TPST1: variants seen among roughly 807,000 people sequenced by gnomAD.
The protein encoded by TPST1 is protein-tyrosine sulfotransferase 1.
Under a neutral mutation model 34.8 loss-of-function variants are expected in TPST1, and 20 were observed. The observed-to-expected ratio is 0.57, with a 90% CI of 0.40 to 0.84. TPST1 has a LOEUF of 0.84. Ranked by LOEUF, TPST1 falls within the 40% of genes least tolerant of loss-of-function variation. TPST1 has a pLI of 0.00. For missense variants in TPST1, 353 were observed against 455.5 expected, an observed-to-expected ratio of 0.78 and a Z score of 2.05; for synonymous variants, 152 against 159.4, an observed-to-expected ratio of 0.95 and a Z score of 0.35.
At chr7:66,299,837 C>T (rs1287544731) in intron 3 of TPST1, among the ~76,000 whole-genome samples, 1 of 152,060 alleles carries the variant, frequency 6.6e-6, no homozygotes, top group East Asian at 1.9e-4. Flanking sequence ...CGGATCTCTC[C>T]CTGTTGACTT....
intron 3 of TPST1, among the ~76,000 whole-genome samples, chr7:66,293,145 G>T (rs1353921864): frequency 6.6e-6 from 1 of 151,814 alleles, no homozygotes; most frequent in Non-Finnish European, 1.5e-5. Context: ...GGCAGAGCTT[G>T]CAGTGAGTAG....
intron 2 of TPST1, among the ~76,000 whole-genome samples, chr7:66,253,866 C>T (rs1790324129): frequency 6.6e-6 from 1 of 151,434 alleles, no homozygotes; most frequent in South Asian, 2.1e-4. Flanking sequence ...GGTGAAACGC[C>T]ATCATTACCA....
intron 3 of TPST1, among the ~76,000 whole-genome samples, chr7:66,328,161 G>A (rs1170117986): frequency 6.6e-6 from 1 of 150,812 alleles, no homozygotes; most frequent in African/African-American, 2.4e-5. Context: ...TGAGTAGCTG[G>A]GATTATAGGT....
At position 66,211,693 on chromosome 7, in the gene TPST1, C is replaced by T. The variant is rs117270711; in HGVS notation, c.-102+6171C>T. On this transcript the variant is annotated intron_variant, in intron 1 of 5. Transcript: ENST00000304842. Reference sequence around the variant, plus strand: ...TTTAAAAACACACAGTCTTGCCGGGCGCAGTAGCTCATGCCTGTAATCCCA... The same window carrying T: ...TTTAAAAACACACAGTCTTGCCGGGTGCAGTAGCTCATGCCTGTAATCCCA... Among the ~76,000 whole-genome samples the T allele has an allele frequency of 1.8e-4, 28 of 152,298 alleles. No individual in the cohort carries two copies. In the East Asian group the frequency reaches 3.7e-3, roughly 20 times the overall value.
At chr7:66,200,335 G>A (rs1789020685), upstream of TPST1, among the ~76,000 whole-genome samples, 1 of 152,048 alleles carries the variant, frequency 6.6e-6, no homozygotes, top group East Asian at 1.9e-4. Context: ...CCAGGGTTGC[G>A]TAGGCTGTTT....
chr7:66,200,634 G>T (rs2116159696), upstream of TPST1, among the ~76,000 whole-genome samples: 1 of 151,722 alleles, frequency 6.6e-6, no homozygotes, highest in South Asian at 2.1e-4. Flanking sequence ...GTTAGCCAGG[G>T]TGGTCTTGAT....
rs531502463 is a variant in TPST1, at chr7:66,326,906, C to T, written c.1045-25599C>T. Among the ~76,000 whole-genome samples the T allele has an allele frequency of 5.6e-4, 85 of 152,300 alleles. 1 individual carries two copies. The South Asian group carries it at 0.012, about 22-fold the overall frequency. The stretch of plus-strand genomic sequence containing the variant: ...TCATTTGTTTCTAGGCAGCACAAGA[C>T]TGTTGAACTTTCCTAGAACTGAGTC... On this transcript the variant is annotated intron_variant, in intron 3 of 5. Transcript: ENST00000304842.
chr7:66,254,017 AAAAG>A (rs978688330), intron 2 of TPST1, among the ~76,000 whole-genome samples: 1 of 151,276 alleles, frequency 6.6e-6, no homozygotes, highest in African/African-American at 2.4e-5. Flanking sequence ...AAAAAAAAAA[AAAAG>A]AAAGAAAGAA....
At chr7:66,342,478 A>C (rs945358756) in intron 3 of TPST1, among the ~76,000 whole-genome samples, 8 of 152,218 alleles carry the variant, frequency 5.3e-5, no homozygotes, top group African/African-American at 1.9e-4. Context: ...GCTTTACCAG[A>C]GCCTAACAGA....
At chr7:66,205,078 G>T (rs1789093660), upstream of TPST1, 1 of 152,202 alleles carries the variant, frequency 6.6e-6, no homozygotes, top group South Asian at 2.1e-4. This position sits in a 1 kb window ranked among gnomAD's most constrained non-coding sequence, Gnocchi z 5.0. Context: ...CCAGGCCTGC[G>T]GCTGCCGGGA....
At chr7:66,329,558 T>C (rs562574039) in intron 3 of TPST1, among the ~76,000 whole-genome samples, 21 of 152,300 alleles carry the variant, frequency 1.4e-4, no homozygotes, top group African/African-American at 5.1e-4. Context: ...AGGTTTTTGT[T>C]TGTGAGGGCT....
At chr7:66,329,635 G>A (rs541843262) in intron 3 of TPST1, among the ~76,000 whole-genome samples, 2 of 152,296 alleles carry the variant, frequency 1.3e-5, no homozygotes. Context: ...ATAAACTGCA[G>A]AAATTCTAAA....
At chr7:66,303,400 T>TGTATGTAC (rs1319068846) in intron 3 of TPST1, among the ~76,000 whole-genome samples, 2 of 151,956 alleles carry the variant, frequency 1.3e-5, no homozygotes, top group African/African-American at 4.8e-5. Flanking sequence ...TGTGTATGTA[T>TGTATGTAC]GTATGTATGT....
At chr7:66,220,494 G>A (rs1270331559) in intron 1 of TPST1, among the ~76,000 whole-genome samples, 3 of 152,184 alleles carry the variant, frequency 2.0e-5, no homozygotes, top group African/African-American at 4.8e-5. Flanking sequence ...CACCTGTGTC[G>A]TATGTGGCAG....
At chr7:66,227,027 G>GATTTTTTTTT (rs1390977469) in intron 1 of TPST1, among the ~76,000 whole-genome samples, 1 of 46,036 alleles carries the variant, frequency 2.2e-5, no homozygotes, top group African/African-American at 1.1e-4. Flanking sequence ...CTTAAAATAA[G>GATTTTTTTTT]CTTTTTTTTT....
intron 3 of TPST1, among the ~76,000 whole-genome samples, chr7:66,343,288 GAATT>G (rs1792276844): frequency 1.3e-5 from 2 of 152,276 alleles, no homozygotes; most frequent in African/African-American, 4.8e-5. Context: ...TATCCTAAGT[GAATT>G]AATGCTGAAA....
intron 3 of TPST1, among the ~76,000 whole-genome samples, chr7:66,342,019 A>C (rs1024858939): frequency 2.0e-5 from 3 of 152,158 alleles, no homozygotes; most frequent in African/African-American, 7.2e-5. Context: ...TAGAAGCAAA[A>C]TTCAAGTTGT....
intron 5 of TPST1, 83 bp from the exon 6 acceptor site, chr7:66,359,812 T>C (rs1056698745): frequency 4.4e-6 from 2 of 450,186 alleles, no homozygotes; most frequent in South Asian, 1.6e-5. Context: ...TCTAGGCCTG[T>C]AGCTGGGAAG....
intron 2 of TPST1, among the ~76,000 whole-genome samples, chr7:66,286,291 T>C (rs1437108079): frequency 6.6e-6 from 1 of 152,172 alleles, no homozygotes; most frequent in Non-Finnish European, 1.5e-5. Flanking sequence ...GCTAACCCTT[T>C]TCCCAATTTC....
Sources: gnomAD v4.1 joint callset for allele counts (sites outside exome capture counted in the v4.1 genomes callset) on GRCh38, gnomAD v4.1.1 for gene constraint, Gnocchi (gnomAD v3.1) non-coding constraint, MANE v1.5 for transcripts, NCBI Gene and HGNC (gene_info 2026-07-23, HGNC 2026-07-21) for gene names.